The following PTPRJ variants were observed in gnomAD, a reference collection of about 807,000 sequenced individuals.
The protein encoded by PTPRJ is receptor-type tyrosine-protein phosphatase eta.
A neutral mutation model predicts 141.3 loss-of-function variants in PTPRJ; 129 were observed. The observed-to-expected ratio is 0.91, with a 90% CI of 0.79 to 1.06. PTPRJ has a LOEUF of 1.06. Among genes scored for constraint, PTPRJ ranks in the 50% least tolerant of loss-of-function variants. PTPRJ has a pLI of 0.00. For synonymous variants in PTPRJ, 610 were observed against 640.5 expected (o/e 0.95, Z 0.72); for missense variants, 1,601 against 1,679.7 (o/e 0.95, Z 0.82).
At chr11:48,048,516 G>A (rs762537284) in intron 1 of PTPRJ, among the ~76,000 whole-genome samples, 1 of 152,172 alleles carries the variant, frequency 6.6e-6, no homozygotes, top group Non-Finnish European at 1.5e-5. Context: ...ATTATGGGCC[G>A]GGCGCAGTGG....
intron 24 of PTPRJ, among the ~76,000 whole-genome samples, chr11:48,166,399 A>T (rs1276651520): frequency 6.8e-6 from 1 of 147,698 alleles, no homozygotes; most frequent in African/African-American, 2.5e-5. Context: ...CTGAAACCTC[A>T]ACCTCCTGGG....
At chr11:48,073,829 A>G (rs1855328613) in intron 1 of PTPRJ, among the ~76,000 whole-genome samples, 1 of 152,104 alleles carries the variant, frequency 6.6e-6, no homozygotes, top group Non-Finnish European at 1.5e-5. Context: ...TTTTTCTTGC[A>G]TTTTCAGTTG....
In PTPRJ at chr11:48,086,452, G is replaced by A. The variant is rs375711065; in HGVS notation, c.97-23606G>A. Among the ~76,000 whole-genome samples the A allele has an allele frequency of 9.5e-4, 144 of 152,344 alleles. 1 individual carries two copies. The highest frequency in any genetic ancestry group is 3.4e-3 in the Middle Eastern group (1 of 294). ...CTCCCAAAGTGTTGGGATTACAGGC[G>A]TGAGCCACCGTGCCCAGCCCAGAAA... is the stretch of plus-strand genomic sequence containing the variant. On this transcript the variant is annotated intron_variant, in intron 1 of 24. Coordinates refer to ENST00000418331, the MANE Select transcript of PTPRJ (RefSeq NM_002843.4).
intron 12 of PTPRJ, among the ~76,000 whole-genome samples, chr11:48,143,854 C>T (rs1165698839): frequency 7.1e-6 from 1 of 140,524 alleles, no homozygotes; most frequent in East Asian, 2.3e-4. Context: ...CTCCCCTTCT[C>T]CCCTTCTCCC....
At chr11:47,997,882 C>A (rs887074188) in intron 1 of PTPRJ, among the ~76,000 whole-genome samples, 3 of 151,456 alleles carry the variant, frequency 2.0e-5, no homozygotes, top group Non-Finnish European at 4.4e-5. Flanking sequence ...AGAGAGAATG[C>A]CTTCCAGCCA....
intron 1 of PTPRJ, among the ~76,000 whole-genome samples, chr11:48,006,437 C>A (rs1209590529): frequency 6.6e-6 from 1 of 152,126 alleles, no homozygotes; most frequent in Non-Finnish European, 1.5e-5. Flanking sequence ...GTAGCCTGGT[C>A]ATCTGGATGG....
At chr11:47,986,366 A>G (rs912757977) in intron 1 of PTPRJ, among the ~76,000 whole-genome samples, 1 of 152,178 alleles carries the variant, frequency 6.6e-6, no homozygotes, top group Non-Finnish European at 1.5e-5. Context: ...AAATGGGACT[A>G]ACACTTCCTG....
At chr11:48,134,668 G>A (rs1857047054) in intron 8 of PTPRJ, among the ~76,000 whole-genome samples, 2 of 152,286 alleles carry the variant, frequency 1.3e-5, no homozygotes, top group East Asian at 3.9e-4. Flanking sequence ...TCTCCCTGGA[G>A]GTGACGTTTG....
At chr11:48,141,444 A>G (rs1857226690) in intron 11 of PTPRJ, among the ~76,000 whole-genome samples, 1 of 151,926 alleles carries the variant, frequency 6.6e-6, no homozygotes, top group Non-Finnish European at 1.5e-5. Flanking sequence ...TTTGAGACCA[A>G]CTCTGGGAAA....
At chr11:48,026,838 C>T (rs764673906) in intron 1 of PTPRJ, among the ~76,000 whole-genome samples, 5 of 151,898 alleles carry the variant, frequency 3.3e-5, no homozygotes, top group African/African-American at 7.3e-5. Context: ...GCCTTTTATC[C>T]CTCACCTGCT....
At position 48,112,789 on chromosome 11, in the gene PTPRJ, CAG is replaced by C; in HGVS notation, c.159_160del (p.Glu55LysfsTer15). The C allele has an allele frequency of 3.1e-6, 5 of 1,614,150 alleles. No homozygotes were observed. Among genetic ancestry groups the C allele is most frequent in the Non-Finnish European group, 4.2e-6 (5 of 1,179,984 alleles). ...GACCCTTCAGTAGCAACTGTTGCCA[CAG>C]GGGAAAATGGCATAACGCAGATCAG... On this transcript the variant is annotated frameshift_variant, in exon 3 of 25. Transcript: ENST00000418331. LOFTEE classifies it high-confidence loss of function.
At chr11:48,007,785 T>C (rs1370509076) in intron 1 of PTPRJ, among the ~76,000 whole-genome samples, 1 of 152,242 alleles carries the variant, frequency 6.6e-6, no homozygotes, top group Non-Finnish European at 1.5e-5. Flanking sequence ...GACATCATGA[T>C]GTACAGTCAC....
intron 1 of PTPRJ, among the ~76,000 whole-genome samples, chr11:48,046,790 G>T (rs547411055): frequency 6.6e-6 from 1 of 151,496 alleles, no homozygotes; most frequent in South Asian, 2.1e-4. Flanking sequence ...GAGAGGCTGG[G>T]TAACTTATCC....
chr11:48,167,078 C>T (rs1857932865), intron 24 of PTPRJ, 126 bp from the exon 25 acceptor site: 10 of 791,916 alleles, frequency 1.3e-5, no homozygotes, highest in South Asian at 5.2e-5. Flanking sequence ...TCGCTTGAAC[C>T]GTTTGCTGTT....
At position 48,130,634 on chromosome 11, in the gene PTPRJ, T is replaced by C. The variant is rs1192258317; in HGVS notation, c.1533T>C (p.Pro511=). Residue 511 remains proline (P), a synonymous_variant, in exon 8 of 25, where the codon CCT becomes CCC. Coordinates refer to ENST00000418331, the MANE Select transcript of PTPRJ (RefSeq NM_002843.4). ...NQSIIIGGLF[P]GTKYCFEIVP... ...GTATTATCATTGGTGGCTTGTTCCC[T>C]GGAACCAAGTATTGCTTTGAAATAG... 5 of 1,613,944 alleles carry C rather than the reference T, an allele frequency of 3.1e-6. No individual in the cohort carries two copies. The East Asian group carries it at 1.1e-4, about 36-fold the overall frequency.
intron 1 of PTPRJ, among the ~76,000 whole-genome samples, chr11:48,032,983 C>G (rs377543144): frequency 2.6e-5 from 4 of 151,666 alleles, no homozygotes. Context: ...TTTGGGAAGC[C>G]GAGGTGGGGA....
At chr11:48,128,067 C>T (rs1396262048) in intron 7 of PTPRJ, 24 bp downstream of exon 7, 1 of 1,601,696 alleles carries the variant, frequency 6.2e-7, no homozygotes, top group Non-Finnish European at 8.5e-7. Flanking sequence ...TGGCTCTCAC[C>T]ACCCTTTCCT....
intron 8 of PTPRJ, 102 bp downstream of exon 8, chr11:48,130,818 C>G: frequency 7.9e-7 from 1 of 1,271,836 alleles, no homozygotes; most frequent in Non-Finnish European, 1.0e-6. Flanking sequence ...TTTTAATTAT[C>G]TAAGAAAAAA....
At chr11:48,006,640 C>T (rs1180662626) in intron 1 of PTPRJ, among the ~76,000 whole-genome samples, 1 of 152,166 alleles carries the variant, frequency 6.6e-6, no homozygotes, top group Non-Finnish European at 1.5e-5. Context: ...CACACCCCTC[C>T]CTCATTCCTA....
Sources: allele counts gnomAD v4.1 joint callset (sites outside exome capture counted in the v4.1 genomes callset), GRCh38; gene constraint gnomAD v4.1.1; transcripts MANE v1.5; gene names NCBI Gene and HGNC (gene_info 2026-07-23, HGNC 2026-07-21).